The following CFAP77 variants were observed in gnomAD, a reference collection of about 807,000 sequenced individuals.
The protein encoded by CFAP77 is cilia and flagella associated protein 77.
In CFAP77, 25 loss-of-function variants were observed where a neutral mutation model predicts 31.1. That is an observed-to-expected ratio of 0.80 (90% CI 0.59 to 1.12). CFAP77 has a LOEUF of 1.12. CFAP77 is among the 50% of genes most tolerant of loss of function. The pLI is 0.00. For synonymous variants in CFAP77, 151 were observed against 159.9 expected (o/e 0.94, Z 0.42); for missense variants, 377 against 397.3 (o/e 0.95, Z 0.44).
intron 1 of CFAP77, among the ~76,000 whole-genome samples, chr9:132,431,168 A>G (rs550942051): frequency 9.0e-4 from 137 of 152,380 alleles, no homozygotes; most frequent in African/African-American, 3.1e-3. Context: ...ACAAAGCCCA[A>G]ATAAGGCTAA....
In CFAP77 at chr9:132,499,467, G is replaced by C. The variant is rs201351590; in HGVS notation, c.391G>C (p.Gly131Arg). The C allele has an allele frequency of 4.2e-5, 68 of 1,614,206 alleles. No homozygotes were observed. The East Asian group carries it at 1.1e-3, about 26-fold the overall frequency. The change falls in exon 3 of 6, where the codon GGC becomes CGC. Residue 131 changes from glycine (G) to arginine (R), a missense_variant. Coordinates refer to ENST00000393216, the MANE Select transcript of CFAP77 (RefSeq NM_001282957.2). The surrounding 1 kb of genome is among the most constrained non-coding windows in gnomAD (Gnocchi z 5.4). ...AATGAACCGCGGGGCGGTGAAAGCC[G>C]GCCTGGTGACTGCCCGGGAGAACTT... ...IAMNRGAVKA[G>R]LVTARENLLY...
At chr9:132,445,541 A>T (rs1297422256) in intron 1 of CFAP77, among the ~76,000 whole-genome samples, 1 of 152,202 alleles carries the variant, frequency 6.6e-6, no homozygotes, top group Non-Finnish European at 1.5e-5. Context: ...TGCTGCTATG[A>T]AGATGGGGGC....
At chr9:132,571,519 C>G (rs1416583583) in intron 5 of CFAP77, among the ~76,000 whole-genome samples, 1 of 152,208 alleles carries the variant, frequency 6.6e-6, no homozygotes, top group African/African-American at 2.4e-5. Context: ...AGCCGAGTCT[C>G]TCTGGTTTAC....
rs772852498 is a variant in CFAP77, at chr9:132,410,367, G to A, written c.96G>A (p.Pro32=). The stretch of plus-strand genomic sequence containing the variant: ...CGGTCAGCCAGGTCTGCCCGCCCCC[G>A]CGGCGGCCCCTGACCGTGGCGGACA... The part of the protein sequence containing the change: ...RRTVSQVCPP[P]RRPLTVADIR... The change falls in exon 1 of 6, where the codon CCG becomes CCA. Residue 32 remains proline (P), a synonymous_variant. Transcript: ENST00000393216. The A allele has an allele frequency of 3.6e-5, 57 of 1,599,212 alleles. No individual in the cohort carries two copies. In the Admixed American group the frequency reaches 9.5e-4, roughly 27 times the overall value.
chr9:132,547,452 A>ATCATTCATTCATTCATTCCCCTGC lies in CFAP77; in HGVS notation c.732+4413_732+4436dup, dbSNP rs1554750275. ...CAGCTCCATGAGGATGGCTGTGGAGATCATTCATTCATTCATTCCCCTGCT... is the reference window on the plus strand; with the variant it reads ...CAGCTCCATGAGGATGGCTGTGGAGATCATTCATTCATTCATTCCCCTGCTCATTCATTCATTCATTCCCCTGCT... On this transcript the variant is annotated intron_variant, in intron 5 of 5. Coordinates refer to ENST00000393216, the MANE Select transcript of CFAP77 (RefSeq NM_001282957.2). 5.3e-5 allele frequency among the ~76,000 whole-genome samples: 8 copies of ATCATTCATTCATTCATTCCCCTGC among 152,282 alleles called. No homozygotes were observed. The East Asian group carries it at 7.7e-4, about 15-fold the overall frequency.
intron 1 of CFAP77, among the ~76,000 whole-genome samples, chr9:132,450,079 C>T (rs557714692): frequency 8.0e-4 from 122 of 152,076 alleles, no homozygotes; most frequent in Non-Finnish European, 1.1e-3. Context: ...TGCCCACACC[C>T]GCCACCACGC....
At chr9:132,446,813 A>G (rs763501497) in intron 1 of CFAP77, among the ~76,000 whole-genome samples, 1 of 151,662 alleles carries the variant, frequency 6.6e-6, no homozygotes, top group African/African-American at 2.4e-5. Context: ...GTGGGAAAGC[A>G]TGCCAAATGC....
chr9:132,487,072 G>T (rs1052758354), intron 1 of CFAP77, among the ~76,000 whole-genome samples: 2 of 152,244 alleles, frequency 1.3e-5, no homozygotes, highest in African/African-American at 4.8e-5. Context: ...GCTCCCCACG[G>T]TCCGCGGCTC....
At chr9:132,453,369 CA>C (rs1208872020) in intron 1 of CFAP77, among the ~76,000 whole-genome samples, 1 of 149,252 alleles carries the variant, frequency 6.7e-6, no homozygotes, top group East Asian at 1.9e-4. Context: ...TGCTAAAATA[CA>C]AAAAAATTAG....
chr9:132,555,820 C>T (rs933311287), intron 5 of CFAP77, among the ~76,000 whole-genome samples: 8 of 152,086 alleles, frequency 5.3e-5, no homozygotes, highest in African/African-American at 1.7e-4. Flanking sequence ...GAGATCTCCG[C>T]GTTGTGAGAT....
chr9:132,425,415 C>T (rs187385548), intron 1 of CFAP77, among the ~76,000 whole-genome samples: 79 of 152,236 alleles, frequency 5.2e-4, no homozygotes, highest in Admixed American at 3.9e-3. Context: ...TCAATGCTCC[C>T]CCCTCCTTAT....
intron 1 of CFAP77, among the ~76,000 whole-genome samples, chr9:132,413,784 A>C (rs531690509): frequency 6.6e-6 from 1 of 152,326 alleles, no homozygotes; most frequent in South Asian, 2.1e-4. Context: ...GGTGGAATTT[A>C]TGGAATCGAG....
At chr9:132,525,736 A>AC (rs982334802) in intron 3 of CFAP77, among the ~76,000 whole-genome samples, 6 of 152,076 alleles carry the variant, frequency 3.9e-5, no homozygotes, top group South Asian at 4.2e-4. Flanking sequence ...TCTTCCTCAC[A>AC]CCCCCTATAG....
At chr9:132,572,259 A>T in intron 5 of CFAP77, 129 bp from the exon 6 acceptor site, 3 of 1,202,634 alleles carry the variant, frequency 2.5e-6, no homozygotes, top group Non-Finnish European at 3.5e-6. Flanking sequence ...ACTTGCTGTG[A>T]CTTCCTCCCT....
intron 5 of CFAP77, among the ~76,000 whole-genome samples, chr9:132,549,842 A>AAACG (rs1418467734): frequency 3.0e-3 from 42 of 14,166 alleles, no homozygotes; most frequent in African/African-American, 7.0e-4. Context: ...CTGTCTGAAA[A>AAACG]AACAAACAAA....
intron 1 of CFAP77, among the ~76,000 whole-genome samples, chr9:132,422,538 G>C (rs944615): frequency 0.03 from 4,570 of 152,286 alleles, 236 homozygotes; most frequent in African/African-American, 0.1. Flanking sequence ...TGAGCAATGG[G>C]ACGAGACTGT....
chr9:132,448,377 T>C (rs1222526243), intron 1 of CFAP77, among the ~76,000 whole-genome samples: 2 of 152,146 alleles, frequency 1.3e-5, no homozygotes, highest in African/African-American at 4.8e-5. Flanking sequence ...TAGCAGGCAG[T>C]GTAATGTTGT....
chr9:132,514,743 T>A (rs1852116185), intron 3 of CFAP77, among the ~76,000 whole-genome samples: 1 of 152,234 alleles, frequency 6.6e-6, no homozygotes, highest in African/African-American at 2.4e-5. Flanking sequence ...AGCTTTTATG[T>A]TGGATCCACA....
intron 1 of CFAP77, among the ~76,000 whole-genome samples, chr9:132,479,738 A>G (rs950389844): frequency 1.3e-5 from 2 of 152,200 alleles, no homozygotes; most frequent in African/African-American, 2.4e-5. Flanking sequence ...GAGTTTGGAC[A>G]CGTAGCATCA....
Sources: allele counts gnomAD v4.1 joint callset (sites outside exome capture counted in the v4.1 genomes callset), GRCh38; gene constraint gnomAD v4.1.1; non-coding constraint Gnocchi (gnomAD v3.1); transcripts MANE v1.5; gene names NCBI Gene and HGNC (gene_info 2026-07-23, HGNC 2026-07-21).